Variants in ARPIN observed in about 807,000 individuals in gnomAD.
The protein encoded by ARPIN is UPF0552 protein C15orf38.
ARPIN carries 23 observed loss-of-function variants against 25.9 expected under a neutral mutation model. That is an observed-to-expected ratio of 0.89 (90% CI 0.64 to 1.26). ARPIN has a LOEUF of 1.26. ARPIN is among the 50% of genes most tolerant of loss of function. The pLI is 0.00. For synonymous variants in ARPIN, 126 were observed against 131.4 expected (o/e 0.96, Z 0.28); for missense variants, 333 against 312.2 (o/e 1.07, Z -0.50).
At position 89,903,814 on chromosome 15, in the gene ARPIN, C is replaced by A. The variant is rs377575844; in HGVS notation, c.471G>T (p.Gly157=). Residue 157 remains glycine, a synonymous_variant, in exon 4 of 6, where the codon GGG becomes GGT. Coordinates refer to ENST00000357484, the MANE Select transcript of ARPIN (RefSeq NM_182616.4). ...CATCGCCCCGAGTCTTCAGCCGTAC[C>A]CCGGCCCCCAGCTCGAGTTCCATCA... The part of the protein sequence containing the change: ...MEVMELELGA[G]VRLKTRGDGP... 51 of 1,614,066 alleles carry A rather than the reference C, an allele frequency of 3.2e-5. No homozygotes were observed. In the African/African-American group the frequency reaches 6.4e-4, roughly 20 times the overall value.
At chr15:89,906,416 G>T (rs910151891) in intron 3 of ARPIN, among the ~76,000 whole-genome samples, 1 of 152,072 alleles carries the variant, frequency 6.6e-6, no homozygotes, top group Non-Finnish European at 1.5e-5. Context: ...GAAACACCCT[G>T]CAAATCCCTG....
chr15:89,901,898 A>G (rs539475467), intron 5 of ARPIN, 95 bp from the exon 6 acceptor site: 1 of 1,469,262 alleles, frequency 6.8e-7, no homozygotes, highest in Non-Finnish European at 9.4e-7. Context: ...ATTGCGTGGT[A>G]CCTGTGGGGC....
At chr15:89,910,375 C>G (rs897119948) in intron 2 of ARPIN, among the ~76,000 whole-genome samples, 2 of 152,064 alleles carry the variant, frequency 1.3e-5, no homozygotes, top group African/African-American at 4.8e-5. Flanking sequence ...GGACATGACC[C>G]CAGGAGGCTG....
intron 3 of ARPIN, 39 bp from the exon 4 acceptor site, chr15:89,904,022 G>T: frequency 1.3e-6 from 2 of 1,566,152 alleles, no homozygotes; most frequent in African/African-American, 2.7e-5. Context: ...TATCACTGTG[G>T]CAGCAAGAAC....
chr15:89,910,686 A>G, intron 2 of ARPIN, 58 bp downstream of exon 2: 4 of 1,607,642 alleles, frequency 2.5e-6, no homozygotes, highest in Non-Finnish European at 3.4e-6. Context: ...GAGATGCCAC[A>G]GTGGATGATG....
Position 89,908,374 on chromosome 15 carries a change from G to T in ARPIN, c.207C>A (p.Ile69=). ...YYVLYIRPSH[I]HRRKFDAKGN... is the part of the protein sequence containing the mutation. Reference sequence around the variant, plus strand: ...CCTTGGCGTCGAATTTACGGCGATGGATGTGACTGGGCCGGATATACAGCA... The same window carrying T: ...CCTTGGCGTCGAATTTACGGCGATGTATGTGACTGGGCCGGATATACAGCA... The change falls in exon 3 of 6, where the codon ATC becomes ATA. Residue 69 remains isoleucine, a synonymous_variant. Transcript: ENST00000357484. 1 of 1,614,168 alleles carries T rather than the reference G, an allele frequency of 6.2e-7. No individual in the cohort carries two copies. The highest frequency in any genetic ancestry group is 1.7e-5 in the Admixed American group (1 of 60,024).
In ARPIN at chr15:89,912,905, T is replaced by C; in HGVS notation, c.-70A>G. On this transcript the variant is annotated 5_prime_UTR_variant, in exon 1 of 6. Coordinates refer to ENST00000357484, the MANE Select transcript of ARPIN (RefSeq NM_182616.4). ...GCTGGGGGCGCGGCGCGGGAAGTGCTGCAGGACGCGCGGGGACCCGCGATT... is the reference window on the plus strand; with the variant it reads ...GCTGGGGGCGCGGCGCGGGAAGTGCCGCAGGACGCGCGGGGACCCGCGATT... The C allele has an allele frequency of 7.0e-7, 1 of 1,433,488 alleles. No homozygotes were observed. Among genetic ancestry groups the C allele is most frequent in the African/African-American group, 1.5e-5 (1 of 64,894 alleles). 88.8% of individuals were successfully genotyped at this position (1,433,488 alleles called of 1,614,324 possible).
intron 1 of ARPIN, 82 bp downstream of exon 1, chr15:89,912,662 A>AGGGGGGC: frequency 9.1e-6 from 6 of 661,660 alleles, no homozygotes; most frequent in Admixed American, 6.6e-5. Flanking sequence ...CCCCACCCGC[A>AGGGGGGC]TCCCACCCCC....
chr15:89,912,129 C>T lies in ARPIN; in HGVS notation c.92+615G>A, dbSNP rs560174920. The T allele has an allele frequency of 8.6e-5, 79 of 921,160 alleles. 1 individual carries two copies. In the East Asian group the frequency reaches 7.1e-3, roughly 82 times the overall value. The allele number at this position is 921,160 out of a possible 1,614,324, so 57.1% of individuals were successfully genotyped here. On this transcript the variant is annotated intron_variant, in intron 1 of 5. Coordinates refer to ENST00000357484, the MANE Select transcript of ARPIN (RefSeq NM_182616.4). ...AACCACAGCGCCTGGTCTGTTCTGC[C>T]GTTTCTATGGTTCAACGCTTTTATA... is the stretch of plus-strand genomic sequence containing the variant.
intron 1 of ARPIN, chr15:89,912,295 C>G: frequency 1.0e-6 from 1 of 996,264 alleles, no homozygotes; most frequent in Non-Finnish European, 1.2e-6. Context: ...CCCTCCAAAT[C>G]CTCCTCACCC....
chr15:89,901,199 G>A lies in ARPIN; in HGVS notation c.*596C>T, dbSNP rs1897014181. The A allele has an allele frequency of 6.4e-6, 1 of 157,086 alleles. No individual in the cohort carries two copies. Among genetic ancestry groups the A allele is most frequent in the Admixed American group, 6.3e-5 (1 of 15,760 alleles). 9.7% of individuals were successfully genotyped at this position (157,086 alleles called of 1,614,324 possible). The stretch of plus-strand genomic sequence containing the variant: ...CAACACAGAGTGCTGAGGAAGGGGT[G>A]GGTGGGGAAGGAAAGCAGGAAACAA... On this transcript the variant is annotated 3_prime_UTR_variant, in exon 6 of 6. Transcript: ENST00000357484.
At chr15:89,904,831 G>A (rs1446202474) in intron 3 of ARPIN, among the ~76,000 whole-genome samples, 1 of 152,148 alleles carries the variant, frequency 6.6e-6, no homozygotes, top group Non-Finnish European at 1.5e-5. Flanking sequence ...TTCCATTCAT[G>A]GTGTACAACC....
Position 89,903,459 on chromosome 15 carries a change from C to G in ARPIN, c.509-80G>C. 2.5e-6 allele frequency: 4 copies of G among 1,587,964 alleles called. No individual in the cohort carries two copies. The South Asian group carries it at 4.7e-5, about 18-fold the overall frequency. On this transcript the variant is annotated intron_variant, in intron 4 of 5. Coordinates refer to ENST00000357484, the MANE Select transcript of ARPIN (RefSeq NM_182616.4). ...AGGGCTGGGCCCATTATGGTGGGGTCCCCTAGGCCTGGGTTAAACCACTGT... is the reference window on the plus strand; with the variant it reads ...AGGGCTGGGCCCATTATGGTGGGGTGCCCTAGGCCTGGGTTAAACCACTGT...
At position 89,896,689 on chromosome 15, in the gene ARPIN, A is replaced by G. The variant is rs978847981; in HGVS notation, c.*5106T>C. ...AAAATGCAAATAACTGATAAACTAA[A>G]AAGATAACACTCCCCATCTCCCCAG... On this transcript the variant is annotated 3_prime_UTR_variant, in exon 6 of 6. Coordinates refer to ENST00000357484, the MANE Select transcript of ARPIN (RefSeq NM_182616.4). The G allele has an allele frequency of 6.6e-6, 1 of 152,228 alleles. No homozygotes were observed. Among genetic ancestry groups the G allele is most frequent in the Non-Finnish European group, 1.5e-5 (1 of 68,052 alleles). 9.4% of individuals were successfully genotyped at this position (152,228 alleles called of 1,614,324 possible). A position where few individuals can be genotyped will look rare whatever the true frequency, so the allele number is the denominator to read the frequency against.
chr15:89,901,526 A>T lies in ARPIN; in HGVS notation c.*269T>A. 1.1e-4 allele frequency: 52 copies of T among 456,874 alleles called. No individual in the cohort carries two copies. Among genetic ancestry groups the T allele is most frequent in the East Asian group, 1.9e-4 (5 of 25,682 alleles). 28.3% of individuals were successfully genotyped at this position (456,874 alleles called of 1,614,324 possible). A position where few individuals can be genotyped will look rare whatever the true frequency, so the allele number is the denominator to read the frequency against. ...AGACCTCCATCTCTAATTTTTTTTTAAAGGGTCATCATGTAATGTCTAGGA... is the reference window on the plus strand; with the variant it reads ...AGACCTCCATCTCTAATTTTTTTTTTAAGGGTCATCATGTAATGTCTAGGA... On this transcript the variant is annotated 3_prime_UTR_variant, in exon 6 of 6. Transcript: ENST00000357484.
In ARPIN at chr15:89,912,448, G is replaced by A. The variant is rs562804977; in HGVS notation, c.92+296C>T. 8.2e-6 allele frequency: 10 copies of A among 1,221,380 alleles called. 1 individual carries two copies. The Admixed American group carries it at 1.4e-4, about 17-fold the overall frequency. The allele number at this position is 1,221,380 out of a possible 1,614,324, so 75.7% of individuals were successfully genotyped here. On this transcript the variant is annotated intron_variant, in intron 1 of 5. Transcript: ENST00000357484. ...TAGTTACGCGGGTGGGGTGGGGCCG[G>A]AGGTCGGCGTGAGGCGAAGCCCAGC... is the stretch of plus-strand genomic sequence containing the variant.
chr15:89,908,880 G>A (rs925046369), intron 2 of ARPIN, among the ~76,000 whole-genome samples: 4 of 152,150 alleles, frequency 2.6e-5, no homozygotes, highest in Admixed American at 6.5e-5. Context: ...CTATTCAGGA[G>A]GCTAAGGCAG....
At chr15:89,912,496 C>A in intron 1 of ARPIN, 1 of 1,285,326 alleles carries the variant, frequency 7.8e-7, no homozygotes, top group South Asian at 2.3e-5. Flanking sequence ...GTCTGGGGGT[C>A]GGGACCCTCT....
Position 89,912,734 on chromosome 15 carries a change from C to A in ARPIN, c.92+10G>T, listed in dbSNP as rs1427317124. 7.1e-7 allele frequency: 1 copy of A among 1,400,970 alleles called. No homozygotes were observed. The allele number at this position is 1,400,970 out of a possible 1,614,324, so 86.8% of individuals were successfully genotyped here. A position where few individuals can be genotyped will look rare whatever the true frequency, so the allele number is the denominator to read the frequency against. On this transcript the variant is annotated intron_variant, in intron 1 of 5. Transcript: ENST00000357484. ...GGGAGGCCGACCCGAGGCCGTGAGCCCAGGCCTACCCCTGGTGGGCGGCGG... is the reference window on the plus strand; with the variant it reads ...GGGAGGCCGACCCGAGGCCGTGAGCACAGGCCTACCCCTGGTGGGCGGCGG...
Sources: allele counts gnomAD v4.1 joint callset (sites outside exome capture counted in the v4.1 genomes callset), GRCh38; gene constraint gnomAD v4.1.1; transcripts MANE v1.5; gene names NCBI Gene and HGNC (gene_info 2026-07-23, HGNC 2026-07-21).